Variants in TMEM132B observed in about 807,000 individuals in gnomAD.
The protein encoded by TMEM132B is transmembrane protein 132B.
In TMEM132B, 18 loss-of-function variants were observed where a neutral mutation model predicts 90.8. The ratio of observed to expected loss-of-function variants is 0.20; its 90% CI spans 0.14 to 0.29. TMEM132B has a LOEUF of 0.29. TMEM132B is among the 10% of genes least tolerant of loss of function. The probability of loss-of-function intolerance (pLI) is 1.00; values close to 1 mark genes in which losing one functional copy is unlikely to be tolerated. For synonymous variants in TMEM132B, 504 were observed against 523.3 expected, an observed-to-expected ratio of 0.96 and a Z score of 0.50; for missense variants, 1,096 against 1,326.8, an observed-to-expected ratio of 0.83 and a Z score of 2.70.
At chr12:125,609,649 A>C (rs1885776640) in intron 5 of TMEM132B, among the ~76,000 whole-genome samples, 1 of 151,382 alleles carries the variant, frequency 6.6e-6, no homozygotes, top group South Asian at 2.1e-4. Context: ...CCCTGTCTCT[A>C]CTAAAAAAAT....
At chr12:125,356,280 C>T (rs555621888) in intron 2 of TMEM132B, among the ~76,000 whole-genome samples, 2 of 152,302 alleles carry the variant, frequency 1.3e-5, no homozygotes, top group East Asian at 1.9e-4. Context: ...TGAATCCTGA[C>T]TCTGCCACAT....
chr12:125,501,856 A>T (rs771214793), intron 3 of TMEM132B, among the ~76,000 whole-genome samples: 24 of 152,226 alleles, frequency 1.6e-4, no homozygotes, highest in Non-Finnish European at 1.0e-4. Flanking sequence ...TCTAAGGCTA[A>T]GTATTTGTAA....
chr12:125,263,517 A>G (rs1197076050), intron 1 of TMEM132B, among the ~76,000 whole-genome samples: 2 of 151,988 alleles, frequency 1.3e-5, no homozygotes, highest in Non-Finnish European at 2.9e-5. Flanking sequence ...TATACCTCAG[A>G]CTCGGAGTAG....
chr12:125,252,821 C>G (rs1321851543), intron 1 of TMEM132B, among the ~76,000 whole-genome samples: 1 of 152,188 alleles, frequency 6.6e-6, no homozygotes, highest in Non-Finnish European at 1.5e-5. Flanking sequence ...GTTCCAGAGT[C>G]ACTCTCCGGT....
chr12:125,278,188 A>G (rs995791900), intron 1 of TMEM132B, among the ~76,000 whole-genome samples: 3 of 152,258 alleles, frequency 2.0e-5, no homozygotes, highest in African/African-American at 7.2e-5. Context: ...ATTGAAAAGC[A>G]GCCATGCCTA....
chr12:125,493,691 A>C (rs1010311725), intron 3 of TMEM132B, among the ~76,000 whole-genome samples: 3 of 151,936 alleles, frequency 2.0e-5, no homozygotes, highest in African/African-American at 7.3e-5. Context: ...AGGCAGGAGG[A>C]GGGGGAGGTA....
At chr12:125,609,324 A>G (rs1885770055) in intron 5 of TMEM132B, among the ~76,000 whole-genome samples, 1 of 152,160 alleles carries the variant, frequency 6.6e-6, no homozygotes, top group African/African-American at 2.4e-5. Flanking sequence ...CTTGATTTAG[A>G]AAGTTTTGAA....
At chr12:125,394,891 G>A (rs1174284625) in intron 2 of TMEM132B, among the ~76,000 whole-genome samples, 1 of 152,146 alleles carries the variant, frequency 6.6e-6, no homozygotes. Context: ...TCCAGGAGTG[G>A]GGAGGTTGGA....
At chr12:125,244,639 G>A (rs528394845) in intron 1 of TMEM132B, among the ~76,000 whole-genome samples, 2 of 152,332 alleles carry the variant, frequency 1.3e-5, no homozygotes, top group South Asian at 2.1e-4. Flanking sequence ...AAGTGGTTCC[G>A]ACTGTGCTGG....
chr12:125,397,494 T>G (rs902187237), intron 2 of TMEM132B, among the ~76,000 whole-genome samples: 1 of 152,242 alleles, frequency 6.6e-6, no homozygotes, highest in East Asian at 1.9e-4. Flanking sequence ...CAGGTTCCCA[T>G]GAAACACTAT....
intron 3 of TMEM132B, among the ~76,000 whole-genome samples, chr12:125,484,555 T>G (rs1882150798): frequency 6.6e-6 from 1 of 152,302 alleles, no homozygotes; most frequent in Middle Eastern, 3.4e-3. Flanking sequence ...TCTCTGGAAC[T>G]GGTGAGGCTG....
At chr12:125,581,761 T>C (rs1885059755) in intron 4 of TMEM132B, among the ~76,000 whole-genome samples, 2 of 151,890 alleles carry the variant, frequency 1.3e-5, no homozygotes, top group Admixed American at 1.3e-4. Flanking sequence ...TAGCAGTTTG[T>C]TCTGGGACTA....
intron 5 of TMEM132B, among the ~76,000 whole-genome samples, chr12:125,603,609 A>G (rs564286621): frequency 1.3e-5 from 2 of 152,260 alleles, no homozygotes; most frequent in African/African-American, 2.4e-5. Context: ...ATGGGATCCA[A>G]TTAAACTAAA....
At chr12:125,233,592 A>C (rs2136084894) in intron 1 of TMEM132B, among the ~76,000 whole-genome samples, 1 of 152,372 alleles carries the variant, frequency 6.6e-6, no homozygotes, top group East Asian at 1.9e-4. Flanking sequence ...AGAAATTTTC[A>C]GCTGCCTCAA....
At chr12:125,467,427 T>G (rs532714867) in intron 3 of TMEM132B, among the ~76,000 whole-genome samples, 3 of 152,034 alleles carry the variant, frequency 2.0e-5, no homozygotes, top group Non-Finnish European at 2.9e-5. Context: ...CTTTTCCCCT[T>G]CTCCTCCCCC....
chr12:125,628,866 T>C (rs1287173055), intron 5 of TMEM132B, among the ~76,000 whole-genome samples: 6 of 152,220 alleles, frequency 3.9e-5, no homozygotes, highest in African/African-American at 1.4e-4. Flanking sequence ...TCTCTACATA[T>C]GGATATCCAG....
intron 5 of TMEM132B, among the ~76,000 whole-genome samples, chr12:125,634,676 A>C (rs1009692403): frequency 6.6e-6 from 1 of 152,136 alleles, no homozygotes; most frequent in African/African-American, 2.4e-5. Flanking sequence ...CCTTCAAGGC[A>C]GTGTGTTCCC....
chr12:125,280,919 G>A (rs1875149035), intron 1 of TMEM132B, among the ~76,000 whole-genome samples: 1 of 152,218 alleles, frequency 6.6e-6, no homozygotes, highest in African/African-American at 2.4e-5. Context: ...AAAGGCAGAA[G>A]TGAGAAAACG....
chr12:125,244,772 G>A (rs1874170437), intron 1 of TMEM132B, among the ~76,000 whole-genome samples: 1 of 152,156 alleles, frequency 6.6e-6, no homozygotes, highest in African/African-American at 2.4e-5. Context: ...CCTCATCTAG[G>A]CAGCCGTTGC....
Sources: gnomAD v4.1 joint callset for allele counts (sites outside exome capture counted in the v4.1 genomes callset) on GRCh38, gnomAD v4.1.1 for gene constraint, MANE v1.5 for transcripts, NCBI Gene and HGNC (gene_info 2026-07-23, HGNC 2026-07-21) for gene names.